The following FBXO21 variants were observed in gnomAD, a reference collection of about 807,000 sequenced individuals.
The protein encoded by FBXO21 is F-box protein 21, also known as F-box only protein 21.
A neutral mutation model predicts 76.6 loss-of-function variants in FBXO21; 32 were observed. The observed-to-expected ratio is 0.42, with a 90% confidence interval of 0.32 to 0.56. FBXO21 has a LOEUF of 0.56. Ranked by LOEUF, FBXO21 falls within the 20% of genes least tolerant of loss-of-function variation. The pLI, the probability that FBXO21 is intolerant of heterozygous loss-of-function variation, is 0.16. For missense variants in FBXO21, 586 were observed against 797.3 expected (o/e 0.73, Z 3.19); for synonymous variants, 328 against 311.5 (o/e 1.05, Z -0.56).
Position 117,172,542 on chromosome 12 carries a change from C to T in FBXO21, c.942G>A (p.Gln314=), listed in dbSNP as rs555590450. 2.5e-6 allele frequency: 4 copies of T among 1,614,158 alleles called. No individual in the cohort carries two copies. The highest frequency in any genetic ancestry group is 4.5e-5 in the East Asian group (2 of 44,886). The change falls in exon 7 of 12, where the codon CAG becomes CAA. Residue 314 remains glutamine (Q), a synonymous_variant. Transcript: ENST00000622495. ...MSLLYLTIAR[Q]LGVPLEPVNF... is the part of the protein sequence containing the mutation. ...TGACAGGCTCCAGTGGGACTCCCAACTGCCGAGCAATTGTCAAATAGAGCA... is the reference window on the plus strand; with the variant it reads ...TGACAGGCTCCAGTGGGACTCCCAATTGCCGAGCAATTGTCAAATAGAGCA...
chr12:117,188,650 CT>C (rs1956311969), intron 2 of FBXO21: 1 of 113,678 alleles, frequency 8.8e-6, no homozygotes, highest in African/African-American at 2.9e-5. Flanking sequence ...TTCTGCAATA[CT>C]TAAAAAAAAA....
intron 3 of FBXO21, among the ~76,000 whole-genome samples, chr12:117,180,207 A>G (rs750567531): frequency 6.6e-6 from 1 of 152,186 alleles, no homozygotes; most frequent in Non-Finnish European, 1.5e-5. Flanking sequence ...TTTCTCCAAA[A>G]ACCCTGGCTT....
chr12:117,182,442 T>C (rs1010817283), intron 3 of FBXO21, among the ~76,000 whole-genome samples: 5 of 151,860 alleles, frequency 3.3e-5, no homozygotes, highest in African/African-American at 9.7e-5. Flanking sequence ...TGAGCCATGA[T>C]TGCACCACTG....
rs1955725385 is a variant in FBXO21, at chr12:117,142,314, T to G, written c.*3773A>C. The G allele has an allele frequency of 6.6e-6, 1 of 152,238 alleles. No homozygotes were observed. The highest frequency in any genetic ancestry group is 1.5e-5 in the Non-Finnish European group (1 of 68,042). The allele number at this position is 152,238 out of a possible 1,614,324, so 9.4% of individuals were successfully genotyped here. A position where few individuals can be genotyped will look rare whatever the true frequency, so the allele number is the denominator to read the frequency against. ...CACGCACACGCAGTATGACCTGGGT[T>G]TCCCCTTTATACAGTGGAATGCTAA... On this transcript the variant is annotated 3_prime_UTR_variant, in exon 12 of 12. Coordinates refer to ENST00000622495, the MANE Select transcript of FBXO21 (RefSeq NM_015002.3).
In FBXO21 at chr12:117,189,122, G is replaced by C. The variant is rs74503061; in HGVS notation, c.375+105C>G. The C allele has an allele frequency of 1.3e-4, 163 of 1,263,186 alleles. 1 individual carries two copies. The East Asian group carries it at 3.1e-3, about 24-fold the overall frequency. 78.2% of individuals were successfully genotyped at this position (1,263,186 alleles called of 1,614,324 possible). The stretch of plus-strand genomic sequence containing the variant: ...TCTAAGTGAGTAAGGGATTGTGAGA[G>C]CATTGAAAAGGGAGATACGAAAAGA... On this transcript the variant is annotated intron_variant, in intron 2 of 11. Coordinates refer to ENST00000622495, the MANE Select transcript of FBXO21 (RefSeq NM_015002.3).
At chr12:117,181,599 G>GAGTCTATCTATCTATCTACCTA (rs1555242787) in intron 3 of FBXO21, among the ~76,000 whole-genome samples, 61 of 145,536 alleles carry the variant, frequency 4.2e-4, no homozygotes, top group African/African-American at 1.3e-3. Context: ...ATCTGAGACA[G>GAGTCTATCTATCTATCTACCTA]TCTATCTATC....
intron 2 of FBXO21, among the ~76,000 whole-genome samples, chr12:117,186,889 G>A (rs1470335658): frequency 6.6e-6 from 1 of 152,204 alleles, no homozygotes; most frequent in Non-Finnish European, 1.5e-5. Context: ...AACTTTGGGA[G>A]GCCAAGGCAG....
At position 117,144,155 on chromosome 12, in the gene FBXO21, G is replaced by T. The variant is rs1193060746; in HGVS notation, c.*1932C>A. ...AAACCATCTTTCTTGACTTTGATGT[G>T]TCTAAGAAAAAAGGAAATCAATCAA... On this transcript the variant is annotated 3_prime_UTR_variant, in exon 12 of 12. Transcript: ENST00000622495. The T allele has an allele frequency of 6.6e-6, 1 of 152,274 alleles. No individual in the cohort carries two copies. Among genetic ancestry groups the T allele is most frequent in the Non-Finnish European group, 1.5e-5 (1 of 68,008 alleles). The allele number at this position is 152,274 out of a possible 1,614,324, so 9.4% of individuals were successfully genotyped here. A position where few individuals can be genotyped will look rare whatever the true frequency, so the allele number is the denominator to read the frequency against.
chr12:117,153,401 T>TA (rs1955868842), intron 11 of FBXO21, among the ~76,000 whole-genome samples: 1 of 152,102 alleles, frequency 6.6e-6, no homozygotes, highest in South Asian at 2.1e-4. Flanking sequence ...ATAATCGAGT[T>TA]AAAACAATGG....
chr12:117,173,825 A>T (rs1426672162), intron 6 of FBXO21, among the ~76,000 whole-genome samples: 1 of 152,210 alleles, frequency 6.6e-6, no homozygotes, highest in Non-Finnish European at 1.5e-5. Context: ...TCAAGAATGT[A>T]CGGTCCATCA....
At chr12:117,172,784 C>T (rs1956130498) in intron 6 of FBXO21, among the ~76,000 whole-genome samples, 177 bp from the exon 7 acceptor site, 1 of 152,100 alleles carries the variant, frequency 6.6e-6, no homozygotes, top group Admixed American at 6.6e-5. Flanking sequence ...ATGGCAATTC[C>T]AGTCCACCGG....
intron 2 of FBXO21, among the ~76,000 whole-genome samples, chr12:117,187,285 T>A (rs111433324): frequency 0.038 from 5,536 of 144,974 alleles, 311 homozygotes; most frequent in African/African-American, 0.13. Context: ...CCAGGCGTAG[T>A]GGCGCATGCC....
chr12:117,164,193 T>C (rs1956020766), intron 9 of FBXO21, among the ~76,000 whole-genome samples: 1 of 151,984 alleles, frequency 6.6e-6, no homozygotes, highest in Non-Finnish European at 1.5e-5. Context: ...AGTTTTCTTT[T>C]CCAATAATTC....
At chr12:117,162,542 C>G (rs1351549467) in intron 9 of FBXO21, among the ~76,000 whole-genome samples, 1 of 152,212 alleles carries the variant, frequency 6.6e-6, no homozygotes, top group African/African-American at 2.4e-5. Flanking sequence ...GACTTAAAAT[C>G]TCACCATCCC....
Position 117,189,298 on chromosome 12 carries a change from C to T in FBXO21, c.304G>A (p.Val102Ile). ...DYVNWLEEYK[V>I]RQKAGLEARK... The stretch of plus-strand genomic sequence containing the variant: ...GCTTCTAACCCAGCTTTTTGCCGAA[C>T]TTTATACTCTTCCAACCAATTGACG... The change falls in exon 2 of 12, where the codon GTT becomes ATT. Residue 102 changes from valine to isoleucine, a missense_variant. Transcript: ENST00000622495. 1 of 1,614,188 alleles carries T rather than the reference C, an allele frequency of 6.2e-7. No individual in the cohort carries two copies. The highest frequency in any genetic ancestry group is 8.5e-7 in the Non-Finnish European group (1 of 1,180,042).
intron 3 of FBXO21, among the ~76,000 whole-genome samples, chr12:117,179,025 T>C (rs1956203674): frequency 6.6e-6 from 1 of 152,140 alleles, no homozygotes; most frequent in Non-Finnish European, 1.5e-5. Flanking sequence ...CCCAAATACA[T>C]ATGGGGATTA....
intron 11 of FBXO21, 22 bp from the exon 12 acceptor site, chr12:117,146,299 G>A (rs140272148): frequency 3.0e-4 from 473 of 1,580,364 alleles, no homozygotes; most frequent in Non-Finnish European, 3.9e-4. Flanking sequence ...GAGGCACACG[G>A]GCATTCTCAT....
intron 3 of FBXO21, among the ~76,000 whole-genome samples, chr12:117,180,537 A>C (rs1956217087): frequency 6.6e-6 from 1 of 152,204 alleles, no homozygotes; most frequent in Admixed American, 6.5e-5. Context: ...GTAAAATTAG[A>C]ATATCACATC....
At position 117,172,602 on chromosome 12, in the gene FBXO21, C is replaced by T; in HGVS notation, c.882G>A (p.Leu294=). The change falls in exon 7 of 12, where the codon TTG becomes TTA. Residue 294 remains leucine, a synonymous_variant. Transcript: ENST00000622495. ...TGATTGGGATTCCTGTTCTGCGAAT[C>T]AAAACCTAAAGCAGAAAAAATGCTT... is the stretch of plus-strand genomic sequence containing the variant. The part of the protein sequence containing the change: ...NALNLYMHQV[L]IRRTGIPISM... 1 of 1,611,660 alleles carries T rather than the reference C, an allele frequency of 6.2e-7. No homozygotes were observed. The highest frequency in any genetic ancestry group is 8.5e-7 in the Non-Finnish European group (1 of 1,178,080).
Sources: gnomAD v4.1 joint callset for allele counts (sites outside exome capture counted in the v4.1 genomes callset) on GRCh38, gnomAD v4.1.1 for gene constraint, MANE v1.5 for transcripts, NCBI Gene and HGNC (gene_info 2026-07-23, HGNC 2026-07-21) for gene names.